GMPS: variants seen among roughly 807,000 people sequenced by gnomAD.
GMPS encodes GMP synthase [glutamine-hydrolyzing].
GMPS carries 15 observed loss-of-function variants against 77.9 expected under a neutral mutation model. The observed-to-expected ratio is 0.19, with a 90% CI of 0.13 to 0.30. GMPS has a LOEUF of 0.30. Ranked by LOEUF, GMPS falls within the 10% of genes least tolerant of loss-of-function variation. GMPS has a pLI of 1.00. For synonymous variants in GMPS, 224 were observed against 275.9 expected (o/e 0.81, Z 1.86); for missense variants, 590 against 838.8 (o/e 0.70, Z 3.66).
At chr3:155,876,655 T>C (rs1754056142) in intron 1 of GMPS, among the ~76,000 whole-genome samples, 1 of 152,226 alleles carries the variant, frequency 6.6e-6, no homozygotes. Context: ...GACTGGACCA[T>C]ATGGTCACTC....
At chr3:155,876,898 ATCT>A (rs1217258641) in intron 1 of GMPS, among the ~76,000 whole-genome samples, 1 of 152,250 alleles carries the variant, frequency 6.6e-6, no homozygotes, top group East Asian at 1.9e-4. Flanking sequence ...AGGTAAAATA[ATCT>A]TCTCTAGTCT....
intron 12 of GMPS, among the ~76,000 whole-genome samples, chr3:155,925,726 A>G (rs1755437528): frequency 6.6e-6 from 1 of 152,162 alleles, no homozygotes; most frequent in African/African-American, 2.4e-5. Context: ...TAGGGTTGGC[A>G]TGCTTACTTC....
intron 12 of GMPS, among the ~76,000 whole-genome samples, chr3:155,927,980 A>G (rs943620833): frequency 9.2e-5 from 11 of 119,708 alleles, no homozygotes; most frequent in Non-Finnish European, 1.8e-4. Context: ...TTATCCATGT[A>G]TTTATGTAGG....
chr3:155,937,109 G>A (rs1755783605), intron 15 of GMPS, among the ~76,000 whole-genome samples: 1 of 152,140 alleles, frequency 6.6e-6, no homozygotes, highest in Admixed American at 6.5e-5. Flanking sequence ...GCTCAAATTT[G>A]TCAAATTTGA....
At chr3:155,903,471 AG>A (rs1701365069) in intron 3 of GMPS, among the ~76,000 whole-genome samples, 3 of 152,212 alleles carry the variant, frequency 2.0e-5, no homozygotes, top group Admixed American at 6.5e-5. Flanking sequence ...TTCTGGTACA[AG>A]GTTCTTGTTG....
Position 155,939,684 on chromosome 3 carries a change from A to C in GMPS, c.*1992A>C, listed in dbSNP as rs1353699473. 5.2e-6 allele frequency: 1 copy of C among 191,456 alleles called. No homozygotes were observed. The highest frequency in any genetic ancestry group is 2.3e-5 in the African/African-American group (1 of 43,032). The allele number at this position is 191,456 out of a possible 1,614,324, so 11.9% of individuals were successfully genotyped here. A position where few individuals can be genotyped will look rare whatever the true frequency, so the allele number is the denominator to read the frequency against. ...CTAATATATACTTAGTATATACTTA[A>C]TATAATATTGGGAAAATTGTTACTC... On this transcript the variant is annotated 3_prime_UTR_variant, in exon 16 of 16. Coordinates refer to ENST00000496455, the MANE Select transcript of GMPS (RefSeq NM_003875.3).
At chr3:155,920,241 A>G (rs1755283804) in intron 10 of GMPS, among the ~76,000 whole-genome samples, 1 of 152,218 alleles carries the variant, frequency 6.6e-6, no homozygotes, top group Non-Finnish European at 1.5e-5. Context: ...TATACTCTTA[A>G]TGATCATATT....
At chr3:155,887,378 A>G (rs1754361452) in intron 1 of GMPS, among the ~76,000 whole-genome samples, 1 of 152,222 alleles carries the variant, frequency 6.6e-6, no homozygotes, top group Non-Finnish European at 1.5e-5. Flanking sequence ...TATCATATCA[A>G]GAGGAGGCAT....
At chr3:155,932,720 A>G (rs377549798) in intron 13 of GMPS, among the ~76,000 whole-genome samples, 2 of 152,344 alleles carry the variant, frequency 1.3e-5, no homozygotes, top group East Asian at 3.9e-4. Context: ...TGCAGAAATC[A>G]GAAGCTTACC....
chr3:155,870,935 G>GT, intron 1 of GMPS, 38 bp downstream of exon 1: 1 of 1,435,298 alleles, frequency 7.0e-7, no homozygotes, highest in Non-Finnish European at 9.1e-7. Context: ...CATCCCGGCG[G>GT]AGGCGAGGCT....
intron 10 of GMPS, among the ~76,000 whole-genome samples, 171 bp from the exon 11 acceptor site, chr3:155,922,016 A>G (rs1755329363): frequency 6.6e-6 from 1 of 152,158 alleles, no homozygotes; most frequent in Admixed American, 6.5e-5. Flanking sequence ...CATTCTAAAA[A>G]ATGCTGAGTT....
At chr3:155,936,833 A>C (rs1755777309) in intron 15 of GMPS, among the ~76,000 whole-genome samples, 1 of 152,212 alleles carries the variant, frequency 6.6e-6, no homozygotes, top group Non-Finnish European at 1.5e-5. Context: ...AGTTTGTTAG[A>C]AATAAGGATG....
rs1404024540 is a variant in GMPS at position 155,916,122 on chromosome 3, C to G, written c.1142C>G (p.Ala381Gly). ...PDLIESASLV[A>G]SGKAELIKTH... ...CTAATTGAAAGTGCATCCCTTGTTG[C>G]AAGTGGCAAAGCTGAACTCATCAAA... The change falls in exon 9 of 16, where the codon GCA becomes GGA. Residue 381 changes from alanine (A) to glycine (G), a missense_variant. By Grantham distance (60) the Ala-to-Gly change is moderately conservative. Around this residue, in one of 6 missense-constraint regions of GMPS, gnomAD observed 181 missense variants for 186.8 expected, o/e 0.97. Transcript: ENST00000496455. 6.2e-7 allele frequency: 1 copy of G among 1,613,226 alleles called. No homozygotes were observed. Among genetic ancestry groups the G allele is most frequent in the East Asian group, 2.2e-5 (1 of 44,874 alleles).
At chr3:155,875,845 A>G (rs1478911114) in intron 1 of GMPS, among the ~76,000 whole-genome samples, 1 of 152,142 alleles carries the variant, frequency 6.6e-6, no homozygotes, top group African/African-American at 2.4e-5. Flanking sequence ...GACCCTTGCT[A>G]TGGCTTCAGG....
intron 1 of GMPS, among the ~76,000 whole-genome samples, chr3:155,881,347 T>G (rs893766981): frequency 1.4e-4 from 22 of 151,952 alleles, no homozygotes; most frequent in African/African-American, 5.1e-4. Flanking sequence ...TAATTTTGTA[T>G]TTTTAGTACA....
At chr3:155,898,075 A>G in intron 3 of GMPS, 34 bp downstream of exon 3, 3 of 999,318 alleles carry the variant, frequency 3.0e-6, no homozygotes, top group Non-Finnish European at 4.8e-6. Context: ...AAGCTTACTT[A>G]TATTTTATTC....
intron 5 of GMPS, 96 bp from the exon 6 acceptor site, chr3:155,910,596 C>T (rs892951929): frequency 4.0e-6 from 2 of 496,978 alleles, no homozygotes; most frequent in Non-Finnish European, 6.8e-6. Flanking sequence ...AAAAATGAAA[C>T]CATAGAGGCA....
At chr3:155,886,163 G>A (rs62286806) in intron 1 of GMPS, among the ~76,000 whole-genome samples, 8,312 of 152,100 alleles carry the variant, frequency 0.055, 318 homozygotes, top group East Asian at 0.18. Flanking sequence ...AATATTAAGG[G>A]ATTGCACTTG....
rs938623164 is a variant in GMPS, at chr3:155,942,337, C to T, written c.*4645C>T. The T allele has an allele frequency of 1.0e-5, 2 of 195,946 alleles. No individual in the cohort carries two copies. The highest frequency in any genetic ancestry group is 6.1e-5 in the Admixed American group (1 of 16,472). The allele number at this position is 195,946 out of a possible 1,614,324, so 12.1% of individuals were successfully genotyped here. A position where few individuals can be genotyped will look rare whatever the true frequency, so the allele number is the denominator to read the frequency against. On this transcript the variant is annotated 3_prime_UTR_variant, in exon 16 of 16. Coordinates refer to ENST00000496455, the MANE Select transcript of GMPS (RefSeq NM_003875.3). ...TCTCCCGACCTCATGATCCGCCCGC[C>T]TCGGCCTCTCAGAGTGCTGGGATTA...
Sources: gnomAD v4.1 joint callset for allele counts (sites outside exome capture counted in the v4.1 genomes callset) on GRCh38, gnomAD v4.1.1 for gene constraint, gnomAD v4.1.1 regional missense constraint, MANE v1.5 for transcripts, NCBI Gene and HGNC (gene_info 2026-07-23, HGNC 2026-07-21) for gene names.